The following YWHAE variants were observed in gnomAD, a reference collection of about 807,000 sequenced individuals.
YWHAE encodes the protein tyrosine 3-monooxygenase/tryptophan 5-monooxygenase activation protein epsilon, also known as 14-3-3 protein epsilon.
A neutral mutation model predicts 30.1 loss-of-function variants in YWHAE; 4 were observed. The observed-to-expected ratio is 0.13, with a 90% CI of 0.07 to 0.30. The LOEUF (loss-of-function observed/expected upper bound fraction) is 0.30. Ranked by LOEUF, YWHAE falls within the 10% of genes least tolerant of loss-of-function variation. YWHAE has a pLI of 1.00. For missense variants in YWHAE, 121 were observed against 315.9 expected (o/e 0.38, Z 4.68); for synonymous variants, 118 against 111.8 (o/e 1.06, Z -0.35).
At chr17:1,379,169 A>T (rs2073168745) in intron 1 of YWHAE, among the ~76,000 whole-genome samples, 1 of 151,830 alleles carries the variant, frequency 6.6e-6, no homozygotes, top group Non-Finnish European at 1.5e-5. Flanking sequence ...CTTCCAAATC[A>T]CCTAAGAGCC....
chr17:1,364,322 AT>A (rs1431369908), intron 2 of YWHAE, among the ~76,000 whole-genome samples: 3 of 151,092 alleles, frequency 2.0e-5, no homozygotes, highest in Non-Finnish European at 4.4e-5. Flanking sequence ...CGCCTCCCGG[AT>A]TCACACCATT....
At chr17:1,383,466 C>T (rs1302822685) in intron 1 of YWHAE, among the ~76,000 whole-genome samples, 2 of 148,546 alleles carry the variant, frequency 1.3e-5, no homozygotes, top group East Asian at 4.1e-4. Context: ...CAGCTCCTGG[C>T]AACCTCTACC....
intron 5 of YWHAE, among the ~76,000 whole-genome samples, chr17:1,349,679 T>A (rs1211113623): frequency 6.6e-6 from 1 of 151,826 alleles, no homozygotes; most frequent in Non-Finnish European, 1.5e-5. Context: ...AGTGGTGCTA[T>A]CTCGGCTCAC....
chr17:1,370,284 G>T (rs946290972), intron 1 of YWHAE, among the ~76,000 whole-genome samples: 1 of 151,274 alleles, frequency 6.6e-6, no homozygotes, highest in Non-Finnish European at 1.5e-5. Context: ...CCGTCACCAT[G>T]CCCAGTGAAT....
chr17:1,365,150 G>A (rs896354263), intron 1 of YWHAE, 92 bp from the exon 2 acceptor site: 73 of 1,278,244 alleles, frequency 5.7e-5, no homozygotes, highest in Non-Finnish European at 6.7e-5. Context: ...AAGCTACTGC[G>A]AAAAAAACAT....
intron 2 of YWHAE, among the ~76,000 whole-genome samples, chr17:1,362,572 C>A (rs2072880673): frequency 6.6e-6 from 1 of 152,070 alleles, no homozygotes; most frequent in Non-Finnish European, 1.5e-5. Context: ...TATTAAAACA[C>A]CGAAAACCTA....
chr17:1,390,104 A>G (rs1440099117), intron 1 of YWHAE, among the ~76,000 whole-genome samples: 2 of 152,160 alleles, frequency 1.3e-5, no homozygotes, highest in Admixed American at 6.6e-5. Context: ...TTGGCCTCCC[A>G]AAGTGCTGGG....
chr17:1,364,711 G>T lies in YWHAE; in HGVS notation c.264+148C>A, dbSNP rs191319095. ...ACGGGTAAGTTTAACTTATAAACCAGGCACAAAGATCAATATCAGAAACAT... is the reference window on the plus strand; with the variant it reads ...ACGGGTAAGTTTAACTTATAAACCATGCACAAAGATCAATATCAGAAACAT... On this transcript the variant is annotated intron_variant, in intron 2 of 5. Coordinates refer to ENST00000264335, the MANE Select transcript of YWHAE (RefSeq NM_006761.5). The T allele has an allele frequency of 6.3e-3, 6,419 of 1,011,288 alleles. 40 individuals carry two copies. Among genetic ancestry groups the T allele is most frequent in the Non-Finnish European group, 8.6e-3 (5,934 of 687,094 alleles). The allele number at this position is 1,011,288 out of a possible 1,614,324, so 62.6% of individuals were successfully genotyped here.
rs1325040223 is a variant in YWHAE, at chr17:1,361,964, T to C, written c.309A>G (p.Val103=). ...LKLICCDILD[V]LDKHLIPAAN... is the part of the protein sequence containing the mutation. ...CTGCTGGAATGAGGTGTTTGTCCAG[T>C]ACATCCAGAATGTCACAACAGATTA... is the stretch of plus-strand genomic sequence containing the variant. The change falls in exon 3 of 6, where the codon GTA becomes GTG. Residue 103 remains valine, a synonymous_variant. Transcript: ENST00000264335. The C allele has an allele frequency of 6.2e-6, 10 of 1,606,972 alleles. No homozygotes were observed. The highest frequency in any genetic ancestry group is 8.5e-6 in the Non-Finnish European group (10 of 1,178,050).
intron 1 of YWHAE, among the ~76,000 whole-genome samples, chr17:1,375,006 C>T (rs562617133): frequency 6.6e-6 from 1 of 152,104 alleles, no homozygotes; most frequent in East Asian, 1.9e-4. Context: ...ACTATGTAGC[C>T]TTAAACTCCT....
intron 4 of YWHAE, among the ~76,000 whole-genome samples, chr17:1,354,803 C>T (rs1240990771): frequency 6.6e-6 from 1 of 151,776 alleles, no homozygotes; most frequent in African/African-American, 2.4e-5. Flanking sequence ...GCTGGGACTA[C>T]AGGCGCCCGC....
intron 5 of YWHAE, 146 bp downstream of exon 5, chr17:1,354,065 T>C (rs2072686253): frequency 1.9e-6 from 2 of 1,037,804 alleles, no homozygotes; most frequent in Non-Finnish European, 2.7e-6. Flanking sequence ...CCATTTCCTA[T>C]AAAGGCAGCA....
intron 1 of YWHAE, among the ~76,000 whole-genome samples, chr17:1,381,944 C>T (rs1598262407): frequency 7.2e-6 from 1 of 138,778 alleles, no homozygotes; most frequent in African/African-American, 2.7e-5. Flanking sequence ...GACAGGCAGA[C>T]AGAAAAGGAA....
At chr17:1,364,229 CTTTT>C (rs34295955) in intron 2 of YWHAE, among the ~76,000 whole-genome samples, 1 of 142,854 alleles carries the variant, frequency 7.0e-6, no homozygotes. Context: ...TTTTTGGGTG[CTTTT>C]TTTTTTTTTT....
intron 5 of YWHAE, among the ~76,000 whole-genome samples, chr17:1,352,637 G>A (rs372811586): frequency 1.1e-4 from 16 of 151,678 alleles, no homozygotes; most frequent in Admixed American, 4.6e-4. Context: ...GCAATTCTCC[G>A]GCCTCAGCCT....
In YWHAE at chr17:1,354,202, C is replaced by T. The variant is rs1385376723; in HGVS notation, c.715+9G>A. 3 of 1,611,296 alleles carry T rather than the reference C, an allele frequency of 1.9e-6. No homozygotes were observed. Among genetic ancestry groups the T allele is most frequent in the Non-Finnish European group, 8.5e-7 (1 of 1,179,062 alleles). ...AAAGAGGTGCCTGTTTCACTCCGTG[C>T]TTGCTTACCGTCACCCTGCATGTCT... On this transcript the variant is annotated intron_variant, in intron 5 of 5. Coordinates refer to ENST00000264335, the MANE Select transcript of YWHAE (RefSeq NM_006761.5).
chr17:1,375,333 G>A (rs58143069), intron 1 of YWHAE, among the ~76,000 whole-genome samples: 9,409 of 152,194 alleles, frequency 0.062, 347 homozygotes, highest in Non-Finnish European at 0.082. Flanking sequence ...TCCCTCAGTA[G>A]AGGATGAACT....
intron 4 of YWHAE, among the ~76,000 whole-genome samples, chr17:1,357,150 T>C (rs1352803619): frequency 6.6e-6 from 1 of 151,906 alleles, no homozygotes; most frequent in African/African-American, 2.4e-5. Flanking sequence ...ACACCTGTAA[T>C]CCCAGCACTT....
intron 5 of YWHAE, chr17:1,347,926 G>A (rs2072553688): frequency 1.0e-6 from 1 of 1,001,216 alleles, no homozygotes; most frequent in Non-Finnish European, 1.2e-6. Flanking sequence ...AACCAAAACT[G>A]AAAGCGGAAT....
Sources: allele counts gnomAD v4.1 joint callset (sites outside exome capture counted in the v4.1 genomes callset), GRCh38; gene constraint gnomAD v4.1.1; transcripts MANE v1.5; gene names NCBI Gene and HGNC (gene_info 2026-07-23, HGNC 2026-07-21).